STARD3: variants seen among roughly 807,000 people sequenced by gnomAD.
STARD3 encodes the protein stAR-related lipid transfer protein 3.
A neutral mutation model predicts 62.0 loss-of-function variants in STARD3; 39 were observed. That is an observed-to-expected ratio of 0.63 (90% CI 0.49 to 0.82). The LOEUF (loss-of-function observed/expected upper bound fraction) is 0.82, where lower values mean the gene tolerates loss of function less well. Among genes scored for constraint, STARD3 ranks in the 40% least tolerant of loss-of-function variants. The probability of loss-of-function intolerance (pLI) is 0.00; values close to 1 mark genes in which losing one functional copy is unlikely to be tolerated. For synonymous variants in STARD3, 229 were observed against 242.4 expected (o/e 0.94, Z 0.51); for missense variants, 543 against 584.5 (o/e 0.93, Z 0.73).
intron 2 of STARD3, among the ~76,000 whole-genome samples, chr17:39,654,523 C>G (rs554748518): frequency 2.9e-4 from 44 of 152,130 alleles, no homozygotes; most frequent in African/African-American, 1.0e-3. Flanking sequence ...GCCCCACCCC[C>G]ACCCCACGCA....
chr17:39,662,812 G>A lies in STARD3; in HGVS notation c.1242G>A (p.Leu414=). Residue 414 remains leucine (L), a synonymous_variant, in exon 15 of 15, where the codon CTG becomes CTA. Transcript: ENST00000336308. ...TGCCTGCCTTCCCCCAGGGCCGCCTGCCCCGGTACCTCATCCACCAGAGCC... is the reference window on the plus strand; with the variant it reads ...TGCCTGCCTTCCCCCAGGGCCGCCTACCCCGGTACCTCATCCACCAGAGCC... ...WILNTDLKGR[L]PRYLIHQSLA... 6.2e-7 allele frequency: 1 copy of A among 1,609,788 alleles called. No individual in the cohort carries two copies. Among genetic ancestry groups the A allele is most frequent in the Non-Finnish European group, 8.5e-7 (1 of 1,178,318 alleles).
At position 39,646,807 on chromosome 17, in the gene STARD3, G is replaced by A. The variant is rs374162011; in HGVS notation, c.-51-6674G>A. On this transcript the variant is annotated intron_variant, in intron 1 of 14. Coordinates refer to ENST00000336308, the MANE Select transcript of STARD3 (RefSeq NM_006804.4). Reference sequence around the variant, plus strand: ...AAGGCCTGGAAAGCGGTGTGGGGGCGTGTGCCCACCCCTTCCCTTTGCCTC... The same window carrying A: ...AAGGCCTGGAAAGCGGTGTGGGGGCATGTGCCCACCCCTTCCCTTTGCCTC... Among the ~76,000 whole-genome samples, 102 of 152,290 alleles carry A rather than the reference G, an allele frequency of 6.7e-4. No individual in the cohort carries two copies. In the South Asian group the frequency reaches 0.018, roughly 27 times the overall value.
chr17:39,653,819 C>T (rs2057101337), intron 2 of STARD3, 69 bp downstream of exon 2: 3 of 1,576,042 alleles, frequency 1.9e-6, no homozygotes, highest in Non-Finnish European at 2.6e-6. Context: ...GTCCATCTGC[C>T]ACATGGGAGG....
intron 2 of STARD3, 68 bp from the exon 3 acceptor site, chr17:39,656,940 C>T (rs745306981): frequency 7.2e-5 from 109 of 1,520,352 alleles, no homozygotes; most frequent in East Asian, 9.0e-5. Context: ...TTGCCCCTTC[C>T]GGGAGGTGAG....
At chr17:39,639,619 G>A (rs1211288782) in intron 1 of STARD3, among the ~76,000 whole-genome samples, 1 of 152,218 alleles carries the variant, frequency 6.6e-6, no homozygotes, top group Non-Finnish European at 1.5e-5. Context: ...CAGAGGCAGC[G>A]TCCTTTGCTG....
At chr17:39,641,858 T>C (rs2056985407) in intron 1 of STARD3, among the ~76,000 whole-genome samples, 1 of 152,076 alleles carries the variant, frequency 6.6e-6, no homozygotes, top group South Asian at 2.1e-4. Flanking sequence ...ACATTATGGA[T>C]CCACAGGCTA....
chr17:39,659,216 C>T lies in STARD3; in HGVS notation c.702+110C>T, dbSNP rs545204243. The T allele has an allele frequency of 2.9e-4, 392 of 1,370,852 alleles. No homozygotes were observed. The African/African-American group carries it at 5.0e-3, about 18-fold the overall frequency. The allele number at this position is 1,370,852 out of a possible 1,614,324, so 84.9% of individuals were successfully genotyped here. A position where few individuals can be genotyped will look rare whatever the true frequency, so the allele number is the denominator to read the frequency against. ...GGGTTTCCCAGTAGAGGCTGAACCT[C>T]GGGCAATGCCCATCCGAGTGTCTCC... On this transcript the variant is annotated intron_variant, in intron 8 of 14. Coordinates refer to ENST00000336308, the MANE Select transcript of STARD3 (RefSeq NM_006804.4).
chr17:39,661,794 G>A (rs2057201833), intron 13 of STARD3, among the ~76,000 whole-genome samples: 1 of 152,226 alleles, frequency 6.6e-6, no homozygotes, highest in Non-Finnish European at 1.5e-5. Context: ...ATGGGCTTAG[G>A]TGTGCTCAGT....
At position 39,659,556 on chromosome 17, in the gene STARD3, A is replaced by T. The variant is rs757406946; in HGVS notation, c.795+3A>T. ...ACTGGAAGTTTGAGAAGAATAATGT[A>T]AGAAGCCCTCTCCCACCTGACCTTC... On this transcript the variant is annotated splice_donor_region_variant and intron_variant, in intron 9 of 14. Coordinates refer to ENST00000336308, the MANE Select transcript of STARD3 (RefSeq NM_006804.4). 4.3e-6 allele frequency: 7 copies of T among 1,613,854 alleles called. No homozygotes were observed. Among genetic ancestry groups the T allele is most frequent in the Non-Finnish European group, 5.1e-6 (6 of 1,179,840 alleles).
At chr17:39,651,119 G>A (rs1347533785) in intron 1 of STARD3, among the ~76,000 whole-genome samples, 1 of 152,364 alleles carries the variant, frequency 6.6e-6, no homozygotes, top group Middle Eastern at 3.4e-3. Context: ...GCACTGTGGA[G>A]ATGAACCTGT....
chr17:39,657,377 A>C (rs2057141332), intron 3 of STARD3, among the ~76,000 whole-genome samples: 3 of 152,086 alleles, frequency 2.0e-5, no homozygotes, highest in Admixed American at 2.0e-4. Flanking sequence ...AATACAAAAA[A>C]TTAGCTGAGC....
Position 39,658,040 on chromosome 17 carries a change from G to T in STARD3, c.429+14G>T. ...ATCCTCTCTGAGGTCAGTGGCTCAG[G>T]GTCTGGCCAGTCTGGTGGGCATCAG... On this transcript the variant is annotated intron_variant, in intron 5 of 14. Transcript: ENST00000336308. 1.9e-6 allele frequency: 3 copies of T among 1,554,972 alleles called. No individual in the cohort carries two copies. Among genetic ancestry groups the T allele is most frequent in the South Asian group, 1.2e-5 (1 of 83,360 alleles).
At chr17:39,651,339 G>A (rs562802089) in intron 1 of STARD3, among the ~76,000 whole-genome samples, 42 of 152,324 alleles carry the variant, frequency 2.8e-4, no homozygotes, top group African/African-American at 1.0e-3. Flanking sequence ...GGCCCAGGAA[G>A]GTAGTCCACA....
At chr17:39,647,122 C>T (rs562338713) in intron 1 of STARD3, among the ~76,000 whole-genome samples, 2 of 151,950 alleles carry the variant, frequency 1.3e-5, no homozygotes, top group Non-Finnish European at 1.5e-5. Context: ...TCGCTTGCAC[C>T]TGGGAGGCGG....
intron 1 of STARD3, among the ~76,000 whole-genome samples, chr17:39,638,349 A>G (rs759526083): frequency 3.9e-5 from 6 of 152,032 alleles, no homozygotes; most frequent in South Asian, 2.1e-4. Context: ...CTGGCTTTCT[A>G]TTGCCTATGT....
At chr17:39,658,151 CT>C in intron 5 of STARD3, 125 bp downstream of exon 5, 2 of 1,117,906 alleles carry the variant, frequency 1.8e-6, no homozygotes, top group Non-Finnish European at 1.3e-6. Context: ...AGAGGGAATC[CT>C]GTCCTTTGGT....
At chr17:39,661,418 G>C (rs1439231793) in intron 13 of STARD3, 1 of 332,294 alleles carries the variant, frequency 3.0e-6, no homozygotes, top group Non-Finnish European at 5.7e-6. Context: ...ACCTGAGCAG[G>C]AGGCTCTATG....
chr17:39,658,949 C>CTT, intron 7 of STARD3, 102 bp from the exon 8 acceptor site: 1 of 1,565,122 alleles, frequency 6.4e-7, no homozygotes, highest in South Asian at 1.1e-5. Context: ...CTCCCACACA[C>CTT]TTTTATCCCC....
At chr17:39,646,636 G>A (rs2057028493) in intron 1 of STARD3, among the ~76,000 whole-genome samples, 1 of 152,156 alleles carries the variant, frequency 6.6e-6, no homozygotes, top group Non-Finnish European at 1.5e-5. Context: ...CTAGGAAGGG[G>A]ACAGTCTGAG....
Sources: gnomAD v4.1 joint callset for allele counts (sites outside exome capture counted in the v4.1 genomes callset) on GRCh38, gnomAD v4.1.1 for gene constraint, MANE v1.5 for transcripts, NCBI Gene and HGNC (gene_info 2026-07-23, HGNC 2026-07-21) for gene names.